CDH13: variants seen among roughly 807,000 people sequenced by gnomAD.
The protein encoded by CDH13 is cadherin 13, also known as cadherin-13.
A neutral mutation model predicts 63.8 loss-of-function variants in CDH13; 24 were observed. The ratio of observed to expected loss-of-function variants is 0.38; its 90% confidence interval spans 0.27 to 0.53. CDH13 has a LOEUF of 0.53. Ranked by LOEUF, CDH13 falls within the 20% of genes least tolerant of loss-of-function variation. CDH13 has a pLI of 0.85. For missense variants in CDH13, 1,049 were observed against 903.1 expected (o/e 1.16, Z -2.07); for synonymous variants, 503 against 355.3 (o/e 1.42, Z -4.67).
intron 1 of CDH13, among the ~76,000 whole-genome samples, chr16:82,651,290 G>A (rs993189539): frequency 6.6e-6 from 1 of 152,190 alleles, no homozygotes; most frequent in African/African-American, 2.4e-5. Context: ...TAAAGCTTCT[G>A]AATATGATTA....
At chr16:82,930,697 G>C (rs2042462439) in intron 2 of CDH13, among the ~76,000 whole-genome samples, 1 of 152,110 alleles carries the variant, frequency 6.6e-6, no homozygotes, top group African/African-American at 2.4e-5. Context: ...TATGCCCTCA[G>C]ATAAATGATA....
intron 10 of CDH13, among the ~76,000 whole-genome samples, chr16:83,718,620 G>A (rs1052606373): frequency 6.6e-6 from 1 of 152,070 alleles, no homozygotes; most frequent in Non-Finnish European, 1.5e-5. Context: ...CGGTGGGTGT[G>A]TGATATAGTA....
intron 5 of CDH13, among the ~76,000 whole-genome samples, chr16:83,285,661 G>T (rs1452351534): frequency 1.3e-5 from 2 of 152,164 alleles, no homozygotes; most frequent in Non-Finnish European, 2.9e-5. Context: ...TTCATAGGTT[G>T]CATGCCGATA....
intron 10 of CDH13, chr16:83,718,012 T>C (rs897240737): frequency 6.6e-6 from 1 of 152,268 alleles, no homozygotes; most frequent in African/African-American, 2.4e-5. Context: ...CTGGTGGGAA[T>C]TCTATTAACA....
intron 7 of CDH13, among the ~76,000 whole-genome samples, chr16:83,594,090 G>T (rs1485135156): frequency 6.6e-6 from 1 of 152,198 alleles, no homozygotes; most frequent in Admixed American, 6.5e-5. Context: ...TGGAAGATTT[G>T]TCTAAGGAAG....
At chr16:83,003,715 C>T (rs966409360) in intron 2 of CDH13, among the ~76,000 whole-genome samples, 4 of 152,168 alleles carry the variant, frequency 2.6e-5, no homozygotes, top group African/African-American at 4.8e-5. Context: ...CATTAGAGCA[C>T]AGAGAAGATT....
At chr16:83,110,347 A>G (rs2034997480) in intron 3 of CDH13, among the ~76,000 whole-genome samples, 1 of 152,218 alleles carries the variant, frequency 6.6e-6, no homozygotes, top group African/African-American at 2.4e-5. Flanking sequence ...TTAACCACAC[A>G]ACAGCTGGTT....
At chr16:82,661,531 C>G (rs1911946755) in intron 1 of CDH13, among the ~76,000 whole-genome samples, 1 of 152,178 alleles carries the variant, frequency 6.6e-6, no homozygotes, top group Non-Finnish European at 1.5e-5. Context: ...CGCAGGTGTT[C>G]CCTTGGTGAA....
At chr16:82,681,080 C>T (rs1914489247) in intron 1 of CDH13, among the ~76,000 whole-genome samples, 1 of 152,168 alleles carries the variant, frequency 6.6e-6, no homozygotes, top group Non-Finnish European at 1.5e-5. Flanking sequence ...GGGGCTTGCC[C>T]AGCACTATCA....
chr16:83,277,755 T>G (rs559717951), intron 5 of CDH13, among the ~76,000 whole-genome samples: 6 of 152,162 alleles, frequency 3.9e-5, no homozygotes, highest in Non-Finnish European at 5.9e-5. Flanking sequence ...TTTCTTTTGT[T>G]TAGGAAAATA....
chr16:83,726,203 A>G (rs1008574489), intron 10 of CDH13: 1 of 152,222 alleles, frequency 6.6e-6, no homozygotes, highest in African/African-American at 2.4e-5. Flanking sequence ...ATAATGTATC[A>G]GTTAGAAGGC....
At chr16:83,173,647 C>T (rs542883730) in intron 4 of CDH13, among the ~76,000 whole-genome samples, 7 of 152,156 alleles carry the variant, frequency 4.6e-5, no homozygotes, top group South Asian at 2.1e-4. Context: ...TTTACTAGGG[C>T]GTTCTGTATT....
At chr16:82,680,796 A>G (rs1914459090) in intron 1 of CDH13, among the ~76,000 whole-genome samples, 1 of 152,180 alleles carries the variant, frequency 6.6e-6, no homozygotes, top group Admixed American at 6.5e-5. Flanking sequence ...CTGAAAGGGC[A>G]AGGAGAAGGG....
chr16:83,643,948 C>G (rs1208160180), intron 8 of CDH13, among the ~76,000 whole-genome samples: 2 of 152,212 alleles, frequency 1.3e-5, no homozygotes, highest in African/African-American at 4.8e-5. Context: ...CAGAGCTCCG[C>G]TCCTAGAGAG....
chr16:83,685,857 A>C (rs1287621864), intron 10 of CDH13, among the ~76,000 whole-genome samples: 1 of 152,198 alleles, frequency 6.6e-6, no homozygotes, highest in East Asian at 1.9e-4. Context: ...CCTCTAGGGA[A>C]TAGGGTGCCA....
chr16:83,461,197 T>C (rs1345346925), intron 6 of CDH13, among the ~76,000 whole-genome samples: 1 of 152,206 alleles, frequency 6.6e-6, no homozygotes, highest in Non-Finnish European at 1.5e-5. Context: ...TATGCATGTG[T>C]GTATATAGGT....
At chr16:83,217,186 A>C (rs1036595661) in intron 4 of CDH13, among the ~76,000 whole-genome samples, 159 bp from the exon 5 acceptor site, 1 of 152,172 alleles carries the variant, frequency 6.6e-6, no homozygotes, top group Non-Finnish European at 1.5e-5. Flanking sequence ...TTAGGCAGTG[A>C]TGCTATTTCT....
At chr16:83,594,723 A>AT (rs1907094343) in intron 7 of CDH13, among the ~76,000 whole-genome samples, 1 of 152,086 alleles carries the variant, frequency 6.6e-6, no homozygotes, top group African/African-American at 2.4e-5. Context: ...CTATTTGTTG[A>AT]TTTTCCCCCC....
At chr16:83,631,412 C>G (rs752624728) in intron 8 of CDH13, among the ~76,000 whole-genome samples, 5 of 152,120 alleles carry the variant, frequency 3.3e-5, no homozygotes, top group African/African-American at 7.2e-5. Flanking sequence ...ATCATGTTAA[C>G]TTCATTTGCT....
Sources: gnomAD v4.1 joint callset for allele counts (sites outside exome capture counted in the v4.1 genomes callset) on GRCh38, gnomAD v4.1.1 for gene constraint, MANE v1.5 for transcripts, NCBI Gene and HGNC (gene_info 2026-07-23, HGNC 2026-07-21) for gene names.